Variants in CAPZB observed in about 807,000 individuals in gnomAD.
CAPZB encodes the protein F-actin-capping protein subunit beta.
A neutral mutation model predicts 38.1 loss-of-function variants in CAPZB; 2 were observed. The observed-to-expected ratio is 0.05, with a 90% CI of 0.02 to 0.17. The LOEUF (loss-of-function observed/expected upper bound fraction) is 0.17, where lower values mean the gene tolerates loss of function less well. CAPZB is among the 10% of genes least tolerant of loss of function. The pLI, the probability that CAPZB is intolerant of heterozygous loss-of-function variation, is 1.00. For synonymous variants in CAPZB, 107 were observed against 127.4 expected (o/e 0.84, Z 1.08); for missense variants, 161 against 334.2 (o/e 0.48, Z 4.04).
chr1:19,425,888 A>C (rs2094420717), intron 1 of CAPZB, among the ~76,000 whole-genome samples: 1 of 152,254 alleles, frequency 6.6e-6, no homozygotes, highest in Non-Finnish European at 1.5e-5. Flanking sequence ...AGTTTGGTAG[A>C]GTAAACACAC....
chr1:19,472,634 C>A (rs992908168), intron 1 of CAPZB, among the ~76,000 whole-genome samples: 1 of 151,606 alleles, frequency 6.6e-6, no homozygotes, highest in African/African-American at 2.4e-5. Context: ...CCCTGACTAC[C>A]GATTAGTAGT....
rs115196624 is a variant in CAPZB at position 19,426,659 on chromosome 1, G to A, written c.4-6909C>T. ...CCTGAGACTCCATGGACAGAGGGAGGCCCACTGAGCCCCCAGGTGCTCCAG... is the reference window on the plus strand; with the variant it reads ...CCTGAGACTCCATGGACAGAGGGAGACCCACTGAGCCCCCAGGTGCTCCAG... On this transcript the variant is annotated intron_variant, in intron 1 of 8. Transcript: ENST00000264202. Among the ~76,000 whole-genome samples, 977 of 152,228 alleles carry A rather than the reference G, an allele frequency of 6.4e-3. 13 individuals are homozygous for A. The highest frequency in any genetic ancestry group is 0.022 in the African/African-American group (923 of 41,514).
rs79181529 is a variant in CAPZB, at chr1:19,381,358, C to T, written c.216-2705G>A. On this transcript the variant is annotated intron_variant, in intron 3 of 8. Coordinates refer to ENST00000264202, the MANE Select transcript of CAPZB (RefSeq NM_004930.5). ...ATCCTTGCCCTTCTTCCCTCACCCT[C>T]GACTGCAAGAGGTCTTTGACAGCAG... Among the ~76,000 whole-genome samples the T allele has an allele frequency of 9.7e-3, 1,474 of 151,906 alleles. 62 individuals carry two copies. The East Asian group carries it at 0.13, about 14-fold the overall frequency.
intron 2 of CAPZB, among the ~76,000 whole-genome samples, chr1:19,396,553 G>A (rs1045257669): frequency 6.6e-6 from 1 of 152,166 alleles, no homozygotes; most frequent in Non-Finnish European, 1.5e-5. Flanking sequence ...CAGACCCGCA[G>A]CCTTCCCAGC....
intron 2 of CAPZB, among the ~76,000 whole-genome samples, chr1:19,394,027 GTC>G (rs2094252935): frequency 1.3e-5 from 2 of 152,264 alleles, no homozygotes; most frequent in Non-Finnish European, 2.9e-5. Flanking sequence ...TTGAGACGAA[GTC>G]TCGCTCTGTT....
chr1:19,356,093 T>C lies in CAPZB; in HGVS notation c.588+542A>G, dbSNP rs1261795788. ...CAGTAGGGCACTTCTGAAATTTCAA[T>C]GTGCACACATTACCTGGGCAATTTT... On this transcript the variant is annotated intron_variant, in intron 6 of 8. Transcript: ENST00000264202. This position sits in a 1 kb window ranked among gnomAD's most constrained non-coding sequence, Gnocchi z 4.3. Among the ~76,000 whole-genome samples the C allele has an allele frequency of 6.6e-6, 1 of 152,122 alleles. No individual in the cohort carries two copies. The highest frequency in any genetic ancestry group is 6.5e-5 in the Admixed American group (1 of 15,270).
chr1:19,431,010 C>A (rs912162653), intron 1 of CAPZB, among the ~76,000 whole-genome samples: 3 of 152,162 alleles, frequency 2.0e-5, no homozygotes, highest in Non-Finnish European at 2.9e-5. Flanking sequence ...CTTTAAAACA[C>A]AGAATCAACA....
chr1:19,452,246 C>T lies in CAPZB; in HGVS notation c.4-32496G>A, dbSNP rs11589100. The stretch of plus-strand genomic sequence containing the variant: ...TATTCCTTCTGCCTGGACTGCCACC[C>T]CCTCAGCTCAAGCCTGCTCCCCCGC... On this transcript the variant is annotated intron_variant, in intron 1 of 8. Coordinates refer to ENST00000264202, the MANE Select transcript of CAPZB (RefSeq NM_004930.5). Among the ~76,000 whole-genome samples the T allele has an allele frequency of 2.3e-3, 345 of 152,224 alleles. 1 individual carries two copies. The highest frequency in any genetic ancestry group is 8.1e-3 in the African/African-American group (335 of 41,530).
intron 6 of CAPZB, among the ~76,000 whole-genome samples, chr1:19,351,996 G>A (rs769449333): frequency 8.5e-5 from 13 of 152,126 alleles, no homozygotes; most frequent in African/African-American, 2.9e-4. Context: ...TTGAAGCTGC[G>A]CTGCTCAAGC....
At chr1:19,467,666 G>A (rs1436034658) in intron 1 of CAPZB, among the ~76,000 whole-genome samples, 1 of 152,166 alleles carries the variant, frequency 6.6e-6, no homozygotes, top group Non-Finnish European at 1.5e-5. Flanking sequence ...TTTCTTGCCT[G>A]AGTGATTCAG....
rs532620341 is a variant in CAPZB, at chr1:19,409,323, G to C, written c.93+10338C>G. Among the ~76,000 whole-genome samples the C allele has an allele frequency of 3.3e-5, 5 of 152,036 alleles. No homozygotes were observed. The South Asian group carries it at 1.0e-3, about 32-fold the overall frequency. On this transcript the variant is annotated intron_variant, in intron 2 of 8. Coordinates refer to ENST00000264202, the MANE Select transcript of CAPZB (RefSeq NM_004930.5). ...GGGATCCACTTCATTAGAAAGTCAC[G>C]AAATGTGCAGGTCACAGTCCAACAA...
At chr1:19,365,358 A>G (rs2094077776) in intron 4 of CAPZB, among the ~76,000 whole-genome samples, 1 of 152,170 alleles carries the variant, frequency 6.6e-6, no homozygotes, top group Non-Finnish European at 1.5e-5. Context: ...GTCTTTATGC[A>G]CAGGAATATA....
chr1:19,380,306 T>A (rs548786689), intron 3 of CAPZB, among the ~76,000 whole-genome samples: 1 of 152,310 alleles, frequency 6.6e-6, no homozygotes, highest in Admixed American at 6.5e-5. Flanking sequence ...GAAATCCTTG[T>A]TTCCAAGCTG....
rs1231590663 is a variant in CAPZB at position 19,388,312 on chromosome 1, TACTC to T, written c.94-2690_94-2687del. On this transcript the variant is annotated intron_variant, in intron 2 of 8. Transcript: ENST00000264202. ...TTTACTGGGGCAAGGACTTCGATCTTACTCACTGCAGGATTCTCAGTGCCTGTGG... is the reference window on the plus strand; with the variant it reads ...TTTACTGGGGCAAGGACTTCGATCTTACTGCAGGATTCTCAGTGCCTGTGG... Among the ~76,000 whole-genome samples the T allele has an allele frequency of 5.9e-5, 9 of 152,308 alleles. No homozygotes were observed. In the East Asian group the frequency reaches 1.3e-3, roughly 23 times the overall value.
intron 4 of CAPZB, among the ~76,000 whole-genome samples, chr1:19,365,420 G>A (rs2094078255): frequency 6.6e-6 from 1 of 152,200 alleles, no homozygotes; most frequent in Non-Finnish European, 1.5e-5. Flanking sequence ...TCCAGATCGC[G>A]TGGATTTCCA....
intron 2 of CAPZB, among the ~76,000 whole-genome samples, chr1:19,391,749 T>A (rs1164804999): frequency 6.6e-6 from 1 of 152,144 alleles, no homozygotes; most frequent in East Asian, 1.9e-4. Flanking sequence ...AACATCCATG[T>A]CAAGGAGAAA....
At chr1:19,398,514 G>A (rs1041017593) in intron 2 of CAPZB, among the ~76,000 whole-genome samples, 10 of 149,958 alleles carry the variant, frequency 6.7e-5, no homozygotes, top group African/African-American at 5.1e-5. Flanking sequence ...CCATGTTTAC[G>A]TGTCTGAGTG....
At chr1:19,387,722 T>C (rs889530556) in intron 2 of CAPZB, among the ~76,000 whole-genome samples, 1 of 152,212 alleles carries the variant, frequency 6.6e-6, no homozygotes, top group Non-Finnish European at 1.5e-5. Flanking sequence ...CCTGGGTAAG[T>C]CATTTTACTT....
In CAPZB at chr1:19,356,622, C is replaced by T. The variant is rs775456434; in HGVS notation, c.588+13G>A. The T allele has an allele frequency of 1.3e-5, 20 of 1,578,982 alleles. No homozygotes were observed. Among genetic ancestry groups the T allele is most frequent in the East Asian group, 8.9e-5 (4 of 44,700 alleles). On this transcript the variant is annotated intron_variant, in intron 6 of 8. Coordinates refer to ENST00000264202, the MANE Select transcript of CAPZB (RefSeq NM_004930.5). This position sits in a 1 kb window ranked among gnomAD's most constrained non-coding sequence, Gnocchi z 4.3. ...GTGGGCACTGGCAAGTGGCTATGAG[C>T]GGGTAACTCTACCTGTCTGGTAAGG... is the stretch of plus-strand genomic sequence containing the variant.
Sources: allele counts gnomAD v4.1 joint callset (sites outside exome capture counted in the v4.1 genomes callset), GRCh38; gene constraint gnomAD v4.1.1; non-coding constraint Gnocchi (gnomAD v3.1); transcripts MANE v1.5; gene names NCBI Gene and HGNC (gene_info 2026-07-23, HGNC 2026-07-21).